The following SIRT4 variants were observed in gnomAD, a reference collection of about 807,000 sequenced individuals.
SIRT4 encodes sirtuin 4.
A neutral mutation model predicts 26.1 loss-of-function variants in SIRT4; 23 were observed. The ratio of observed to expected loss-of-function variants is 0.88; its 90% confidence interval spans 0.63 to 1.25. SIRT4 has a LOEUF of 1.25. Ranked by LOEUF, SIRT4 falls within the 50% of genes most tolerant of loss-of-function variation. SIRT4 has a pLI of 0.00. For synonymous variants in SIRT4, 155 were observed against 158.4 expected, an observed-to-expected ratio of 0.98 and a Z score of 0.16; for missense variants, 361 against 405.4, an observed-to-expected ratio of 0.89 and a Z score of 0.94.
the SIRT4 span, among the ~76,000 whole-genome samples, chr12:120,292,063 CG>C: frequency 6.6e-6 from 1 of 152,134 alleles, no homozygotes; most frequent in Admixed American, 6.6e-5. Flanking sequence ...TGGAACATCC[CG>C]TGTCAAACAT....
upstream of SIRT4, among the ~76,000 whole-genome samples, chr12:120,298,429 CA>C (rs1460455617): frequency 3.3e-5 from 5 of 149,288 alleles, no homozygotes; most frequent in African/African-American, 7.4e-5. Flanking sequence ...CCCGTCTCTA[CA>C]AAAAAATACA....
intron 1 of SIRT4, among the ~76,000 whole-genome samples, chr12:120,302,733 T>C (rs1592895137): frequency 6.6e-6 from 1 of 151,482 alleles, no homozygotes; most frequent in East Asian, 1.9e-4. Flanking sequence ...TTTTTTTTTT[T>C]TTTTGATACG....
chr12:120,304,013 A>C lies in SIRT4; in HGVS notation c.452A>C (p.Lys151Thr). 1 of 1,613,030 alleles carries C rather than the reference A, an allele frequency of 6.2e-7. No individual in the cohort carries two copies. Among genetic ancestry groups the C allele is most frequent in the Non-Finnish European group, 8.5e-7 (1 of 1,180,028 alleles). The change falls in exon 2 of 4, where the codon AAG becomes ACG. Residue 151 changes from lysine (K) to threonine (T), a missense_variant. Transcript: ENST00000202967. ...VTQNVDALHT[K>T]AGSRRLTELH... The stretch of plus-strand genomic sequence containing the variant: ...CAAAATGTGGATGCTTTGCACACCA[A>C]GGCGGGGAGTCGGCGCCTGACAGAG...
In SIRT4 at chr12:120,312,446, T is replaced by C; in HGVS notation, c.498-10T>C. 6.3e-7 allele frequency: 1 copy of C among 1,597,766 alleles called. No individual in the cohort carries two copies. ...GCATACTGTTCAGTCAGCGTCTTCC[T>C]TGGTTCCAGGGTCCTGTGCTTGGAT... On this transcript the variant is annotated splice_polypyrimidine_tract_variant and intron_variant, in intron 2 of 3. Coordinates refer to ENST00000202967, the MANE Select transcript of SIRT4 (RefSeq NM_012240.3).
chr12:120,305,242 C>CGTGT (rs34827089), intron 2 of SIRT4, among the ~76,000 whole-genome samples: 65 of 147,790 alleles, frequency 4.4e-4, no homozygotes, highest in African/African-American at 1.5e-3. Flanking sequence ...TGTGTGTGCA[C>CGTGT]GTGTGTGTGT....
the SIRT4 span, chr12:120,293,140 C>G: frequency 6.6e-5 from 10 of 152,270 alleles, no homozygotes; most frequent in South Asian, 1.2e-3. Flanking sequence ...GACTATATTG[C>G]AAGTCGTCAC....
intron 2 of SIRT4, among the ~76,000 whole-genome samples, chr12:120,304,831 ATATATTTTTTTTTTT>A (rs1478640341): frequency 1.6e-3 from 9 of 5,614 alleles, no homozygotes; most frequent in Middle Eastern, 0.083. Context: ...ATATATATAT[ATATATTTTTTTTTTT>A]TTTTTTTTTT....
chr12:120,301,230 T>A (rs527419418), upstream of SIRT4, among the ~76,000 whole-genome samples: 1 of 152,100 alleles, frequency 6.6e-6, no homozygotes, highest in Non-Finnish European at 1.5e-5. Context: ...CCATAATCCC[T>A]GCTACTCAGG....
Position 120,312,701 on chromosome 12 carries a change from A to T in SIRT4, c.743A>T (p.Lys248Met). The change falls in exon 3 of 4, where the codon AAG becomes ATG. Residue 248 changes from lysine to methionine, a missense_variant. Coordinates refer to ENST00000202967, the MANE Select transcript of SIRT4 (RefSeq NM_012240.3). ...CCTGACAAGGTTGATTTTGTGCACA[A>T]GCGTGTAAAAGAAGCCGACTCCCTC... ...VNPDKVDFVHKRVKEADSLLV... is the reference protein window; with the variant it reads ...VNPDKVDFVHMRVKEADSLLV... 6.2e-7 allele frequency: 1 copy of T among 1,613,968 alleles called. No homozygotes were observed. The highest frequency in any genetic ancestry group is 8.5e-7 in the Non-Finnish European group (1 of 1,179,992).
upstream of SIRT4, among the ~76,000 whole-genome samples, chr12:120,300,435 AT>A (rs1284037467): frequency 6.6e-6 from 1 of 152,062 alleles, no homozygotes; most frequent in African/African-American, 2.4e-5. Flanking sequence ...ACTTCAGTTC[AT>A]CTTTATTTAT....
intron 2 of SIRT4, among the ~76,000 whole-genome samples, chr12:120,311,321 C>T (rs1237721428): frequency 2.6e-5 from 4 of 150,958 alleles, no homozygotes; most frequent in Admixed American, 1.3e-4. Flanking sequence ...CGCCATTGCA[C>T]TCCAGCCTGG....
At chr12:120,302,813 G>A (rs1189107467) in intron 1 of SIRT4, among the ~76,000 whole-genome samples, 1 of 149,786 alleles carries the variant, frequency 6.7e-6, no homozygotes, top group Non-Finnish European at 1.5e-5. Context: ...TCCGCCTCCC[G>A]GGTTCAAGCA....
the SIRT4 span, among the ~76,000 whole-genome samples, chr12:120,293,691 T>C: frequency 6.6e-6 from 1 of 152,206 alleles, no homozygotes; most frequent in Non-Finnish European, 1.5e-5. Flanking sequence ...CACATTGTTG[T>C]GTAACCATCA....
chr12:120,299,033 T>C (rs1186062247), upstream of SIRT4, among the ~76,000 whole-genome samples: 2 of 149,654 alleles, frequency 1.3e-5, no homozygotes, highest in Admixed American at 6.7e-5. Flanking sequence ...GAGACCATCC[T>C]GGCTAACACG....
the SIRT4 span, among the ~76,000 whole-genome samples, chr12:120,294,279 C>T: frequency 6.6e-6 from 1 of 151,286 alleles, no homozygotes; most frequent in African/African-American, 2.4e-5. Context: ...CAGGTGTGAG[C>T]CACTTCACCC....
At chr12:120,311,725 A>C (rs1478355950) in intron 2 of SIRT4, among the ~76,000 whole-genome samples, 1 of 114,522 alleles carries the variant, frequency 8.7e-6, no homozygotes, top group East Asian at 2.9e-4. Flanking sequence ...ATGAGAGTGA[A>C]ACTTGCTCTC....
chr12:120,303,277 C>T (rs1257095582), intron 1 of SIRT4, among the ~76,000 whole-genome samples: 2 of 151,444 alleles, frequency 1.3e-5, no homozygotes, highest in South Asian at 4.2e-4. Flanking sequence ...CTCAGGAGTT[C>T]GAGACTAGCC....
At chr12:120,292,630 G>A in the SIRT4 span, among the ~76,000 whole-genome samples, 36 of 151,754 alleles carry the variant, frequency 2.4e-4, no homozygotes, top group African/African-American at 7.7e-4. Flanking sequence ...AAAGAAAACA[G>A]GACAGCCAGC....
intron 2 of SIRT4, among the ~76,000 whole-genome samples, chr12:120,310,139 A>T (rs1367427424): frequency 1.3e-5 from 2 of 151,832 alleles, no homozygotes; most frequent in South Asian, 2.1e-4. Context: ...TAATTAAAAA[A>T]TTTTTTTTGG....
Sources: gnomAD v4.1 joint callset for allele counts (sites outside exome capture counted in the v4.1 genomes callset) on GRCh38, gnomAD v4.1.1 for gene constraint, MANE v1.5 for transcripts, NCBI Gene and HGNC (gene_info 2026-07-23, HGNC 2026-07-21) for gene names.